Variants in UPRT observed in about 807,000 individuals in gnomAD.
UPRT encodes the protein RP11-311P8.3.
Under a neutral mutation model 22.6 loss-of-function variants are expected in UPRT, and 5 were observed. The observed-to-expected ratio is 0.22, with a 90% CI of 0.12 to 0.47. The LOEUF is 0.47. Among genes scored for constraint, UPRT ranks in the 20% least tolerant of loss-of-function variants. The pLI is 0.99. For missense variants in UPRT, 181 were observed against 239.9 expected, an observed-to-expected ratio of 0.75 and a Z score of 1.62; for synonymous variants, 77 against 87.7, an observed-to-expected ratio of 0.88 and a Z score of 0.68.
At chrX:75,263,416 C>T (rs768390170) in intron 4 of UPRT, among the ~76,000 whole-genome samples, 196 of 111,118 alleles carry the variant, frequency 1.8e-3, no homozygotes, top group Non-Finnish European at 3.0e-3. Flanking sequence ...TGGTCTATTC[C>T]GGGATTCAAC....
At chrX:75,293,786 C>T (rs1339432947) in intron 2 of UPRT, among the ~76,000 whole-genome samples, 1 of 111,637 alleles carries the variant, frequency 9.0e-6, no homozygotes, top group Non-Finnish European at 1.9e-5. Flanking sequence ...TGAGTTTCAG[C>T]AATTCTTAAG....
chrX:75,180,338 G>A (rs1420312272), intron 4 of UPRT, among the ~76,000 whole-genome samples: 1 of 111,736 alleles, frequency 8.9e-6, no homozygotes, highest in Non-Finnish European at 1.9e-5. Context: ...CCTGTGTTTT[G>A]CTCAGCTCTC....
chrX:75,274,891 T>C, intron 1 of UPRT: 1 of 364,186 alleles, frequency 2.7e-6, no homozygotes, highest in Non-Finnish European at 4.7e-6. Context: ...GAGGAAGACT[T>C]TAGGTAGCCT....
chrX:75,256,234 T>C (rs2082549231), intron 4 of UPRT, among the ~76,000 whole-genome samples: 1 of 111,838 alleles, frequency 8.9e-6, no homozygotes, highest in African/African-American at 3.2e-5. Context: ...TGCAAATACA[T>C]GAAAATTAAA....
intron 4 of UPRT, among the ~76,000 whole-genome samples, chrX:75,251,760 C>G (rs1339131831): frequency 9.0e-6 from 1 of 111,484 alleles, no homozygotes; most frequent in Non-Finnish European, 1.9e-5. Flanking sequence ...CCAAGTCAAT[C>G]CTAAGCCAAA....
At chrX:75,250,451 G>C (rs189891893) in intron 4 of UPRT, among the ~76,000 whole-genome samples, 1 of 111,730 alleles carries the variant, frequency 9.0e-6, no homozygotes, top group African/African-American at 3.2e-5. Flanking sequence ...AAATAAACTA[G>C]AAAATCTAGA....
At chrX:75,271,979 G>T (rs2082609360), upstream of UPRT, among the ~76,000 whole-genome samples, 2 of 110,416 alleles carry the variant, frequency 1.8e-5, no homozygotes, top group Non-Finnish European at 3.8e-5. Context: ...CATAATCAAA[G>T]AAATTAAAAA....
chrX:75,257,954 G>A (rs1228127829), intron 4 of UPRT, among the ~76,000 whole-genome samples: 1 of 110,835 alleles, frequency 9.0e-6, no homozygotes, highest in Non-Finnish European at 1.9e-5. Flanking sequence ...GAAGCAGGGT[G>A]AGGCGTCACC....
At chrX:75,282,256 T>C (rs2082661079) in intron 1 of UPRT, among the ~76,000 whole-genome samples, 1 of 110,586 alleles carries the variant, frequency 9.0e-6, no homozygotes, top group Non-Finnish European at 1.9e-5. Context: ...TGCTTCAATT[T>C]CACTTAGTTC....
intron 4 of UPRT, among the ~76,000 whole-genome samples, chrX:75,169,111 G>T (rs1487177205): frequency 9.0e-6 from 1 of 111,683 alleles, no homozygotes; most frequent in African/African-American, 3.3e-5. Flanking sequence ...CCATTAATTC[G>T]TTCCGTTTTA....
chrX:75,234,365 T>G (rs1250241720), intron 4 of UPRT, among the ~76,000 whole-genome samples: 1 of 110,752 alleles, frequency 9.0e-6, no homozygotes, highest in Non-Finnish European at 1.9e-5. Context: ...CTGTCAACAT[T>G]AGACAGATCA....
At chrX:75,234,817 G>T (rs1468211963) in intron 4 of UPRT, among the ~76,000 whole-genome samples, 1 of 110,958 alleles carries the variant, frequency 9.0e-6, no homozygotes, top group South Asian at 4.0e-4. Context: ...AGCACTAAAT[G>T]CCCACAAGAG....
At chrX:75,216,033 A>C (rs1375839903) in intron 4 of UPRT, among the ~76,000 whole-genome samples, 1 of 111,494 alleles carries the variant, frequency 9.0e-6, no homozygotes, top group Admixed American at 9.6e-5. Context: ...AGCCAGCATT[A>C]CCCTAATACC....
intron 1 of UPRT, among the ~76,000 whole-genome samples, chrX:75,277,137 G>T (rs2082634574): frequency 9.0e-6 from 1 of 111,598 alleles, no homozygotes; most frequent in Non-Finnish European, 1.9e-5. Context: ...CCATCAGTTG[G>T]TGAACATTTG....
At chrX:75,191,113 C>T (rs1289422746) in intron 4 of UPRT, among the ~76,000 whole-genome samples, 2 of 111,638 alleles carry the variant, frequency 1.8e-5, no homozygotes, top group Non-Finnish European at 3.8e-5. Flanking sequence ...GTGGTTTTAT[C>T]TACCTTTGAT....
chrX:75,199,237 C>T (rs1035592352), intron 4 of UPRT, among the ~76,000 whole-genome samples: 1 of 111,870 alleles, frequency 8.9e-6, no homozygotes, highest in Admixed American at 9.4e-5. Flanking sequence ...TGTCCGCAAA[C>T]CCCAGGCTGC....
Position 75,304,097 on chromosome X carries a change from C to T in UPRT, c.*586C>T, listed in dbSNP as rs2082754343. On this transcript the variant is annotated 3_prime_UTR_variant, in exon 7 of 7. Transcript: ENST00000373383. ...CATTATGTTTTTCATGGCTCATTTC[C>T]CAAACTGCATTGTTGGTAGGTGCCT... 1 of 112,144 alleles carries T rather than the reference C, an allele frequency of 8.9e-6. No homozygotes were observed. The highest frequency in any genetic ancestry group is 3.2e-5 in the African/African-American group (1 of 30,805). The allele number at this position is 112,144 out of a possible 1,213,427, so 9.2% of individuals were successfully genotyped here.
At chrX:75,233,139 G>A (rs2082445556) in intron 4 of UPRT, among the ~76,000 whole-genome samples, 1 of 111,758 alleles carries the variant, frequency 8.9e-6, no homozygotes, top group African/African-American at 3.3e-5. Context: ...CGTGAAGAAT[G>A]CAGAAGCCCC....
intron 4 of UPRT, among the ~76,000 whole-genome samples, chrX:75,187,639 C>G (rs187546127): frequency 2.1e-3 from 231 of 112,202 alleles, no homozygotes; most frequent in African/African-American, 7.2e-3. Context: ...ATTCCATTCT[C>G]CCCGTCGCTT....
Sources: gnomAD v4.1 joint callset for allele counts (sites outside exome capture counted in the v4.1 genomes callset) on GRCh38, gnomAD v4.1.1 for gene constraint, MANE v1.5 for transcripts, NCBI Gene and HGNC (gene_info 2026-07-23, HGNC 2026-07-21) for gene names.